Variants in GSG1L2 observed in about 807,000 individuals in gnomAD.
GSG1L2 encodes the protein GSG1 like 2.
GSG1L2 carries 15 observed loss-of-function variants against 9.0 expected under a neutral mutation model. The ratio of observed to expected loss-of-function variants is 1.67; its 90% CI spans 1.12 to 2.57. The LOEUF (loss-of-function observed/expected upper bound fraction) is 2.57. Among genes scored for constraint, GSG1L2 ranks in the 30% most tolerant of loss-of-function variants. GSG1L2 has a pLI of 0.00. For synonymous variants in GSG1L2, 127 were observed against 57.9 expected, an observed-to-expected ratio of 2.19 and a Z score of -5.41; for missense variants, 286 against 150.3, an observed-to-expected ratio of 1.90 and a Z score of -4.72.
intron 4 of GSG1L2, among the ~76,000 whole-genome samples, chr17:9,806,045 T>C (rs1238541785): frequency 1.3e-5 from 2 of 152,218 alleles, no homozygotes; most frequent in Non-Finnish European, 2.9e-5. Flanking sequence ...GGCCTTTTGA[T>C]GTCAGAAAGC....
At chr17:9,805,820 C>G (rs557795708) in intron 4 of GSG1L2, among the ~76,000 whole-genome samples, 1 of 152,150 alleles carries the variant, frequency 6.6e-6, no homozygotes, top group Non-Finnish European at 1.5e-5. Context: ...ACCTAACCTG[C>G]CCTGCTTGCT....
At chr17:9,814,638 G>A (rs1265151530) in intron 1 of GSG1L2, among the ~76,000 whole-genome samples, 1 of 152,138 alleles carries the variant, frequency 6.6e-6, no homozygotes, top group Non-Finnish European at 1.5e-5. Flanking sequence ...TGTTCGTTTT[G>A]AATAAAGCCA....
intron 1 of GSG1L2, among the ~76,000 whole-genome samples, chr17:9,815,284 G>A (rs140244511): frequency 0.013 from 1,984 of 152,278 alleles, 29 homozygotes; most frequent in South Asian, 0.035. Context: ...CAACTACTCA[G>A]GAGGCTGAGG....
rs2066498324 is a variant in GSG1L2 at position 9,801,970 on chromosome 17, C to T, written c.*416G>A. ...ATTGTGTGTGTCAATTAGGAGAAAA[C>T]ATTTTCTGGATTTTTCTGTCAACAA... On this transcript the variant is annotated 3_prime_UTR_variant, in exon 5 of 5. Coordinates refer to ENST00000399363, the MANE Select transcript of GSG1L2 (RefSeq NM_001310219.2). Among the ~76,000 whole-genome samples, 1 of 152,158 alleles carries T rather than the reference C, an allele frequency of 6.6e-6. No individual in the cohort carries two copies. The highest frequency in any genetic ancestry group is 1.5e-5 in the Non-Finnish European group (1 of 68,030).
Position 9,814,176 on chromosome 17 carries a change from C to T in GSG1L2, c.311-3558G>A, listed in dbSNP as rs1489704315. ...ATCTCAAACTCCTGACCTCGTGATCCGTCCGCCTCGGCCTCCCGAAGTGCT... is the reference window on the plus strand; with the variant it reads ...ATCTCAAACTCCTGACCTCGTGATCTGTCCGCCTCGGCCTCCCGAAGTGCT... On this transcript the variant is annotated intron_variant, in intron 1 of 4. Coordinates refer to ENST00000399363, the MANE Select transcript of GSG1L2 (RefSeq NM_001310219.2). 2.0e-5 allele frequency among the ~76,000 whole-genome samples: 3 copies of T among 152,166 alleles called. No individual in the cohort carries two copies. The East Asian group carries it at 5.8e-4, about 29-fold the overall frequency.
chr17:9,811,372 T>A (rs950193085), intron 1 of GSG1L2, among the ~76,000 whole-genome samples: 2 of 152,208 alleles, frequency 1.3e-5, no homozygotes, highest in African/African-American at 2.4e-5. Context: ...CAGACTCATT[T>A]ATGTGCTCCA....
rs549715077 is a variant in GSG1L2, at chr17:9,821,769, G to A, written c.303C>T (p.Asn101=). Residue 101 remains asparagine (N), a synonymous_variant, in exon 1 of 5, where the codon AAC becomes AAT. Coordinates refer to ENST00000399363, the MANE Select transcript of GSG1L2 (RefSeq NM_001310219.2). ...GLWQSCEESL[N]GEDEKCRSFR... is the part of the protein sequence containing the mutation. ...TCTACAGGCTTTGCTCACCTTCACC[G>A]TTGAGGCTCTCCTCGCAGGACTGCC... 4.1e-4 allele frequency: 291 copies of A among 703,216 alleles called. 1 individual carries two copies. The highest frequency in any genetic ancestry group is 6.5e-4 in the Non-Finnish European group (251 of 384,912). 43.6% of individuals were successfully genotyped at this position (703,216 alleles called of 1,614,324 possible). A position where few individuals can be genotyped will look rare whatever the true frequency, so the allele number is the denominator to read the frequency against.
rs1567707758 is a variant in GSG1L2, at chr17:9,801,095, G to T, written c.*1291C>A. 6.6e-6 allele frequency among the ~76,000 whole-genome samples: 1 copy of T among 151,974 alleles called. No homozygotes were observed. ...GTTCAGCATAAACAGATTTTTATTG[G>T]ATTTTTTTCCCAGAAATGATATGTT... is the stretch of plus-strand genomic sequence containing the variant. On this transcript the variant is annotated 3_prime_UTR_variant, in exon 5 of 5. Transcript: ENST00000399363.
At chr17:9,819,601 T>A (rs533771848) in intron 1 of GSG1L2, among the ~76,000 whole-genome samples, 1 of 152,176 alleles carries the variant, frequency 6.6e-6, no homozygotes, top group Non-Finnish European at 1.5e-5. Flanking sequence ...CTCTTGTCTA[T>A]GAGTAAATAT....
At chr17:9,806,694 C>T (rs151059988) in intron 4 of GSG1L2, among the ~76,000 whole-genome samples, 6 of 152,254 alleles carry the variant, frequency 3.9e-5, no homozygotes, top group Non-Finnish European at 5.9e-5. Flanking sequence ...GTGTAAGGTG[C>T]CAGTGATAGC....
At position 9,821,845 on chromosome 17, in the gene GSG1L2, CA is replaced by C. The variant is rs1316798821; in HGVS notation, c.226del (p.Trp76GlyfsTer38). 2.8e-6 allele frequency: 2 copies of C among 703,326 alleles called. No homozygotes were observed. The highest frequency in any genetic ancestry group is 3.5e-5 in the African/African-American group (2 of 57,268). The allele number at this position is 703,326 out of a possible 1,614,324, so 43.6% of individuals were successfully genotyped here. ...AATGAACTTGTCATCACCCAGCTCC[CA>C]AATGTACAGGACAGCCTGGCTATTG... The part of the protein sequence containing the change: ...DNNSQAVLYI[W>X]ELGDDKFIQR... On this transcript the variant is annotated frameshift_variant, in exon 1 of 5. Coordinates refer to ENST00000399363, the MANE Select transcript of GSG1L2 (RefSeq NM_001310219.2). LOFTEE classifies it high-confidence loss of function.
In GSG1L2 at chr17:9,807,602, C is replaced by A. The variant is rs771182321; in HGVS notation, c.512-1G>T. 1.6e-5 allele frequency: 11 copies of A among 703,260 alleles called. No individual in the cohort carries two copies. The East Asian group carries it at 2.7e-4, about 17-fold the overall frequency. The allele number at this position is 703,260 out of a possible 1,614,324, so 43.6% of individuals were successfully genotyped here. A position where few individuals can be genotyped will look rare whatever the true frequency, so the allele number is the denominator to read the frequency against. ...ATGTGGGCCACCATGCCTAGAAGCC[C>A]TGCGCAAGGAAAGCTCTGTGAGTCA... is the stretch of plus-strand genomic sequence containing the variant. On this transcript the variant is annotated splice_acceptor_variant, in intron 3 of 4. Coordinates refer to ENST00000399363, the MANE Select transcript of GSG1L2 (RefSeq NM_001310219.2). LOFTEE classifies it high-confidence loss of function.
At chr17:9,817,929 T>C (rs1486112811) in intron 1 of GSG1L2, among the ~76,000 whole-genome samples, 2 of 152,166 alleles carry the variant, frequency 1.3e-5, no homozygotes, top group Admixed American at 1.3e-4. Flanking sequence ...GCCTCAGACA[T>C]TGGCTCACTC....
chr17:9,800,948 C>G lies in GSG1L2; in HGVS notation c.*1438G>C, dbSNP rs1002050893. On this transcript the variant is annotated 3_prime_UTR_variant, in exon 5 of 5. Transcript: ENST00000399363. ...TTGTCTATCTCTCATATATGCTTAG[C>G]GCAATGAAACACAAAATTCCACAGA... Among the ~76,000 whole-genome samples the G allele has an allele frequency of 2.0e-5, 3 of 152,196 alleles. No homozygotes were observed. Among genetic ancestry groups the G allele is most frequent in the African/African-American group, 7.2e-5 (3 of 41,444 alleles).
intron 1 of GSG1L2, among the ~76,000 whole-genome samples, chr17:9,816,435 T>TGTGTGTG (rs2066560746): frequency 7.1e-6 from 1 of 140,660 alleles, no homozygotes; most frequent in African/African-American, 2.8e-5. Flanking sequence ...TGCGTGTGTC[T>TGTGTGTG]CTCTGTGTGC....
chr17:9,808,585 C>A (rs2066525072), intron 3 of GSG1L2, among the ~76,000 whole-genome samples: 2 of 152,144 alleles, frequency 1.3e-5, no homozygotes, highest in South Asian at 4.1e-4. Context: ...CACCCTCTTC[C>A]CTGGTTGTGA....
At chr17:9,809,714 A>C (rs2066532021) in intron 2 of GSG1L2, 1 of 151,706 alleles carries the variant, frequency 6.6e-6, no homozygotes, top group African/African-American at 2.4e-5. Context: ...TAAGACAGAA[A>C]AGTTCCTGAT....
At chr17:9,810,469 C>G in intron 2 of GSG1L2, 102 bp downstream of exon 2, 1 of 667,460 alleles carries the variant, frequency 1.5e-6, no homozygotes, top group South Asian at 1.6e-5. Flanking sequence ...ATGGAAAAAT[C>G]ATCAATGACT....
chr17:9,810,070 G>A (rs988692996), intron 2 of GSG1L2: 13 of 156,268 alleles, frequency 8.3e-5, no homozygotes, highest in Admixed American at 8.1e-4. Context: ...CTCCTCTAAG[G>A]CAAGTTAGGT....
Sources: allele counts gnomAD v4.1 joint callset (sites outside exome capture counted in the v4.1 genomes callset), GRCh38; gene constraint gnomAD v4.1.1; transcripts MANE v1.5; gene names NCBI Gene and HGNC (gene_info 2026-07-23, HGNC 2026-07-21).